Variants in ADGRL2 observed in about 807,000 individuals in gnomAD.
ADGRL2 encodes calcium-independent alpha-latrotoxin receptor 2.
In ADGRL2, 44 loss-of-function variants were observed where a neutral mutation model predicts 157.4. That is an observed-to-expected ratio of 0.28 (90% CI 0.22 to 0.36). The LOEUF is 0.36. Ranked by LOEUF, ADGRL2 falls within the 10% of genes least tolerant of loss-of-function variation. ADGRL2 has a pLI of 1.00. For missense variants in ADGRL2, 1,510 were observed against 1,768.9 expected, an observed-to-expected ratio of 0.85 and a Z score of 2.63; for synonymous variants, 585 against 624.7, an observed-to-expected ratio of 0.94 and a Z score of 0.95.
chr1:81,512,892 A>T (rs1249766869), intron 2 of ADGRL2, among the ~76,000 whole-genome samples: 1 of 151,730 alleles, frequency 6.6e-6, no homozygotes. Context: ...TTACTTAATC[A>T]GAATCATTGC....
intron 11 of ADGRL2, among the ~76,000 whole-genome samples, chr1:81,960,467 C>CTT (rs879604958): frequency 6.7e-6 from 1 of 148,964 alleles, no homozygotes; most frequent in Non-Finnish European, 1.5e-5. Context: ...TATTTATTGT[C>CTT]TTTTTTTTTT....
chr1:81,956,118 T>C, intron 11 of ADGRL2, 58 bp downstream of exon 11: 3 of 1,284,020 alleles, frequency 2.3e-6, no homozygotes, highest in Non-Finnish European at 3.2e-6. Flanking sequence ...TGTAAGAGGA[T>C]GATGTTTCCA....
At chr1:81,600,916 A>G (rs925718383) in intron 3 of ADGRL2, among the ~76,000 whole-genome samples, 10 of 152,212 alleles carry the variant, frequency 6.6e-5, no homozygotes, top group Non-Finnish European at 1.5e-5. Flanking sequence ...TCTATCATCT[A>G]AAGTCTTAAA....
At position 81,936,750 on chromosome 1, in the gene ADGRL2, A is replaced by G. The variant is rs757483540; in HGVS notation, c.310A>G (p.Ile104Val). 2.5e-6 allele frequency: 4 copies of G among 1,608,564 alleles called. No homozygotes were observed. The highest frequency in any genetic ancestry group is 1.1e-5 in the South Asian group (1 of 90,876). Residue 104 changes from isoleucine (I) to valine (V), a missense_variant, in exon 4 of 24, where the codon ATA (isoleucine) becomes GTA (valine). Around this residue, in one of 4 missense-constraint regions of ADGRL2, gnomAD observed 361 missense variants for 498.4 expected, o/e 0.72. Coordinates refer to ENST00000686636, the MANE Select transcript of ADGRL2 (RefSeq NM_001366006.2). The stretch of plus-strand genomic sequence containing the variant: ...CAGGTGCAACAATCGAACACAGTGT[A>G]TAGTAGTTACTGGGTCAGATGTGTT... The part of the protein sequence containing the change: ...TQRCNNRTQC[I>V]VVTGSDVFPD...
chr1:81,578,987 C>T (rs1175659716), intron 2 of ADGRL2, among the ~76,000 whole-genome samples: 1 of 152,052 alleles, frequency 6.6e-6, no homozygotes, highest in South Asian at 2.1e-4. Flanking sequence ...GATGCTTTTC[C>T]CCAAACACTC....
intron 2 of ADGRL2, among the ~76,000 whole-genome samples, chr1:81,849,327 T>C (rs1356005787): frequency 6.6e-6 from 1 of 151,928 alleles, no homozygotes; most frequent in South Asian, 2.1e-4. Flanking sequence ...GAACAAAGCA[T>C]ATTTAAAAGC....
chr1:81,924,884 G>A (rs2095068949), intron 3 of ADGRL2, among the ~76,000 whole-genome samples: 1 of 151,956 alleles, frequency 6.6e-6, no homozygotes, highest in Non-Finnish European at 1.5e-5. Flanking sequence ...TACTGATTTG[G>A]TACTACTGTA....
At chr1:81,715,178 A>ATTTT (rs1553144183) in intron 1 of ADGRL2, among the ~76,000 whole-genome samples, 1 of 62,672 alleles carries the variant, frequency 1.6e-5, no homozygotes. Flanking sequence ...TAATTTAGTA[A>ATTTT]ATTTTTTTTT....
At chr1:81,928,092 A>G (rs1368348068) in intron 3 of ADGRL2, among the ~76,000 whole-genome samples, 1 of 152,000 alleles carries the variant, frequency 6.6e-6, no homozygotes, top group East Asian at 1.9e-4. Context: ...GTGCCTACCT[A>G]TTTATGTTCT....
intron 2 of ADGRL2, among the ~76,000 whole-genome samples, chr1:81,868,702 A>G (rs930442734): frequency 6.6e-6 from 1 of 152,080 alleles, no homozygotes; most frequent in African/African-American, 2.4e-5. Flanking sequence ...CCCCTACAAC[A>G]TTCATACCTA....
At chr1:81,950,114 A>G (rs1026811656) in intron 6 of ADGRL2, 75 bp from the exon 7 acceptor site, 64 of 1,244,490 alleles carry the variant, frequency 5.1e-5, no homozygotes, top group Non-Finnish European at 7.1e-5. Flanking sequence ...GTGCATGCAC[A>G]CATTCCATGT....
At chr1:81,412,722 T>TGC (rs2076967720) in intron 1 of ADGRL2, among the ~76,000 whole-genome samples, 1 of 152,130 alleles carries the variant, frequency 6.6e-6, no homozygotes, top group African/African-American at 2.4e-5. Flanking sequence ...AATAGATGGA[T>TGC]AATTGGGTGA....
chr1:81,504,380 C>G (rs1219194387), intron 2 of ADGRL2, among the ~76,000 whole-genome samples: 1 of 152,174 alleles, frequency 6.6e-6, no homozygotes, highest in Admixed American at 6.5e-5. Context: ...CATCCCCACA[C>G]GTGCCGATGT....
intron 1 of ADGRL2, among the ~76,000 whole-genome samples, chr1:81,395,275 A>G (rs1241534982): frequency 6.6e-6 from 1 of 152,074 alleles, no homozygotes; most frequent in Admixed American, 6.5e-5. Context: ...CATCTCCCTT[A>G]GGATTAGTGA....
At chr1:81,368,614 C>A (rs908283005) in intron 1 of ADGRL2, among the ~76,000 whole-genome samples, 1 of 152,148 alleles carries the variant, frequency 6.6e-6, no homozygotes, top group African/African-American at 2.4e-5. Context: ...AAAGCCAAAA[C>A]TCCCCAAATG....
At chr1:81,646,978 A>G (rs985400736) in intron 3 of ADGRL2, among the ~76,000 whole-genome samples, 5 of 152,198 alleles carry the variant, frequency 3.3e-5, no homozygotes, top group Non-Finnish European at 5.9e-5. Flanking sequence ...AAACAAAACA[A>G]CATTTTGAGC....
chr1:81,648,911 C>T (rs2148829730), intron 3 of ADGRL2, among the ~76,000 whole-genome samples: 1 of 152,270 alleles, frequency 6.6e-6, no homozygotes, highest in African/African-American at 2.4e-5. Flanking sequence ...AAGTGTCTAC[C>T]TTCAGAGTCC....
rs1553148709 is a variant in ADGRL2, at chr1:81,747,307, A to ATATTT, written c.-142-14503_-142-14502insATTTT. 1.0e-4 allele frequency among the ~76,000 whole-genome samples: 15 copies of ATATTT among 143,562 alleles called. No homozygotes were observed. In the South Asian group the frequency reaches 1.5e-3, roughly 15 times the overall value. The allele number at this position is 143,562 out of a possible 152,430, so 94.2% of individuals were successfully genotyped here. A position where few individuals can be genotyped will look rare whatever the true frequency, so the allele number is the denominator to read the frequency against. The stretch of plus-strand genomic sequence containing the variant: ...TGCATACATGTGTATATATATATAT[A>ATATTT]TTTTTTTTTTTGAGATGGAGTCTTG... On this transcript the variant is annotated intron_variant, in intron 1 of 20. Transcript: ENST00000359929.
Position 81,981,887 on chromosome 1 carries a change from G to A in ADGRL2, c.3193G>A (p.Glu1065Lys). ...WSFGLLFINEETIVMAYLFTI... is the reference protein window; with the variant it reads ...WSFGLLFINEKTIVMAYLFTI... ...CTTTGGGTTGCTTTTTATTAATGAG[G>A]AGACTATTGTGATGGCATATCTCTT... The change falls in exon 19 of 24, where the codon GAG becomes AAG. Residue 1065 changes from glutamate (E) to lysine (K), a missense_variant. Coordinates refer to ENST00000686636, the MANE Select transcript of ADGRL2 (RefSeq NM_001366006.2). The A allele has an allele frequency of 6.2e-7, 1 of 1,612,226 alleles. No individual in the cohort carries two copies. Among genetic ancestry groups the A allele is most frequent in the Non-Finnish European group, 8.5e-7 (1 of 1,178,800 alleles).
Sources: gnomAD v4.1 joint callset for allele counts (sites outside exome capture counted in the v4.1 genomes callset) on GRCh38, gnomAD v4.1.1 for gene constraint, gnomAD v4.1.1 regional missense constraint, MANE v1.5 for transcripts, NCBI Gene and HGNC (gene_info 2026-07-23, HGNC 2026-07-21) for gene names.